Variants in EEF1E1 observed in about 807,000 individuals in gnomAD.
The protein encoded by EEF1E1 is eukaryotic translation elongation factor 1 epsilon-1.
EEF1E1 carries 19 observed loss-of-function variants against 19.9 expected under a neutral mutation model. The observed-to-expected ratio is 0.95, with a 90% CI of 0.66 to 1.40. The LOEUF is 1.40. EEF1E1 is among the 40% of genes most tolerant of loss of function. EEF1E1 has a pLI of 0.00. For missense variants in EEF1E1, 198 were observed against 202.2 expected, an observed-to-expected ratio of 0.98 and a Z score of 0.13; for synonymous variants, 81 against 80.0, an observed-to-expected ratio of 1.01 and a Z score of -0.07.
intron 1 of EEF1E1, chr6:8,102,016 C>G (rs772825563): frequency 1.9e-4 from 235 of 1,220,282 alleles, no homozygotes; most frequent in Non-Finnish European, 2.4e-4. Context: ...AGACCCAGCA[C>G]GGTGCTACCT....
chr6:8,093,497 C>T (rs1322334124), intron 2 of EEF1E1, among the ~76,000 whole-genome samples: 1 of 151,962 alleles, frequency 6.6e-6, no homozygotes, highest in Non-Finnish European at 1.5e-5. Context: ...CATCTAGACT[C>T]AACAAATGTT....
intron 1 of EEF1E1, 74 bp from the exon 2 acceptor site, chr6:8,097,541 C>G (rs544763906): frequency 3.4e-6 from 4 of 1,164,556 alleles, no homozygotes; most frequent in South Asian, 1.5e-5. Flanking sequence ...TAAGTAACCA[C>G]GAAATCCCTC....
chr6:8,095,239 G>T (rs764789719), intron 2 of EEF1E1: 1 of 241,776 alleles, frequency 4.1e-6, no homozygotes, highest in African/African-American at 2.4e-5. Flanking sequence ...GGTGACTCAC[G>T]CCAGTAATCC....
intron 1 of EEF1E1, chr6:8,101,990 C>G (rs1381895598): frequency 8.0e-7 from 1 of 1,244,014 alleles, no homozygotes; most frequent in Admixed American, 2.5e-5. Context: ...TCCCCTAAAT[C>G]ATCATTGTAT....
chr6:8,090,334 A>T (rs1168192272), intron 2 of EEF1E1, 53 bp from the exon 3 acceptor site: 9 of 1,260,528 alleles, frequency 7.1e-6, no homozygotes, highest in Non-Finnish European at 8.4e-6. Context: ...GTAATAATAA[A>T]GTTAATTATC....
chr6:8,088,275 A>G (rs1174309595), intron 3 of EEF1E1, among the ~76,000 whole-genome samples: 1 of 152,154 alleles, frequency 6.6e-6, no homozygotes, highest in African/African-American at 2.4e-5. Context: ...AGGAAATACA[A>G]TCTGGAGCAA....
chr6:8,085,909 A>G (rs1262904027), intron 3 of EEF1E1, among the ~76,000 whole-genome samples: 1 of 152,174 alleles, frequency 6.6e-6, no homozygotes, highest in Non-Finnish European at 1.5e-5. Flanking sequence ...TTTCATGTAA[A>G]ACAGTCTAAT....
chr6:8,090,121 G>C, intron 3 of EEF1E1, 65 bp downstream of exon 3: 18 of 1,337,506 alleles, frequency 1.3e-5, no homozygotes, highest in Non-Finnish European at 1.7e-5. Context: ...TTAAATTCAA[G>C]ACAAAGTTTT....
chr6:8,078,795 CT>C (rs1757658514), downstream of EEF1E1: 5 of 1,233,834 alleles, frequency 4.1e-6, no homozygotes, highest in Non-Finnish European at 5.2e-6. Context: ...ACATACTAGG[CT>C]TTTTTCTTCA....
chr6:8,078,971 C>T (rs768543773), downstream of EEF1E1, among the ~76,000 whole-genome samples: 3 of 152,128 alleles, frequency 2.0e-5, no homozygotes, highest in Admixed American at 6.5e-5. Flanking sequence ...GGAAAGCCCC[C>T]GAAGACCCCA....
At chr6:8,089,268 C>T (rs1206246718) in intron 3 of EEF1E1, among the ~76,000 whole-genome samples, 2 of 152,096 alleles carry the variant, frequency 1.3e-5, no homozygotes, top group Non-Finnish European at 2.9e-5. Flanking sequence ...AGAAATTAGA[C>T]ACTAAGAGAT....
intron 3 of EEF1E1, among the ~76,000 whole-genome samples, chr6:8,086,996 A>G (rs1757875399): frequency 2.0e-5 from 3 of 152,182 alleles, no homozygotes; most frequent in South Asian, 2.1e-4. Flanking sequence ...GAGCACCTCA[A>G]TGTGGTTTAG....
At chr6:8,093,390 C>CTGTT (rs1758077733) in intron 2 of EEF1E1, among the ~76,000 whole-genome samples, 1 of 146,470 alleles carries the variant, frequency 6.8e-6, no homozygotes, top group South Asian at 2.2e-4. Flanking sequence ...ACTTCCCCTA[C>CTGTT]AATTCCACCT....
intron 1 of EEF1E1, chr6:8,102,132 A>G: frequency 7.6e-7 from 1 of 1,314,982 alleles, no homozygotes. Context: ...AGGTTGGTCT[A>G]AGAGCCCTGT....
At chr6:8,097,126 C>G (rs1758197957) in intron 2 of EEF1E1, 141 bp downstream of exon 2, 2 of 813,462 alleles carry the variant, frequency 2.5e-6, no homozygotes, top group Non-Finnish European at 4.0e-6. Flanking sequence ...CTGTTCCAGG[C>G]AGAGGGAATA....
intron 1 of EEF1E1, 149 bp downstream of exon 1, chr6:8,102,286 G>A (rs1335689799): frequency 1.5e-5 from 15 of 971,490 alleles, no homozygotes; most frequent in Non-Finnish European, 1.9e-5. Flanking sequence ...GCCCAGAGGC[G>A]CCAGCCGGCT....
downstream of EEF1E1, among the ~76,000 whole-genome samples, chr6:8,074,519 A>T (rs1165810272): frequency 1.3e-5 from 2 of 152,232 alleles, no homozygotes; most frequent in African/African-American, 2.4e-5. Flanking sequence ...AATCAAAAAC[A>T]GTACAATGAT....
intron 2 of EEF1E1, among the ~76,000 whole-genome samples, chr6:8,096,019 A>G (rs1293778447): frequency 6.6e-6 from 1 of 152,218 alleles, no homozygotes; most frequent in African/African-American, 2.4e-5. Context: ...AAGACAATGC[A>G]AATTGTCCAG....
At chr6:8,077,175 C>T (rs1046374026), downstream of EEF1E1, among the ~76,000 whole-genome samples, 7 of 152,120 alleles carry the variant, frequency 4.6e-5, no homozygotes, top group Admixed American at 1.3e-4. Flanking sequence ...GATCTCCTGA[C>T]CTCGTGATCC....
Sources: allele counts gnomAD v4.1 joint callset (sites outside exome capture counted in the v4.1 genomes callset), GRCh38; gene constraint gnomAD v4.1.1; transcripts MANE v1.5; gene names NCBI Gene and HGNC (gene_info 2026-07-23, HGNC 2026-07-21).